Variants in TMPRSS15 observed in about 807,000 individuals in gnomAD.
The protein encoded by TMPRSS15 is enteropeptidase.
A neutral mutation model predicts 125.3 loss-of-function variants in TMPRSS15; 128 were observed. The observed-to-expected ratio is 1.02, with a 90% CI of 0.89 to 1.18. TMPRSS15 has a LOEUF of 1.18. Ranked by LOEUF, TMPRSS15 falls within the 50% of genes most tolerant of loss-of-function variation. TMPRSS15 has a pLI of 0.00. For synonymous variants in TMPRSS15, 446 were observed against 423.2 expected (o/e 1.05, Z -0.66); for missense variants, 1,283 against 1,212.7 (o/e 1.06, Z -0.86).
chr21:18,406,242 C>T (rs183996285), upstream of TMPRSS15, among the ~76,000 whole-genome samples: 491 of 152,178 alleles, frequency 3.2e-3, 1 homozygote, highest in Non-Finnish European at 5.6e-3. Context: ...TCAGAGCTAT[C>T]CCACTTAGGG....
intron 1 of TMPRSS15, chr21:18,460,694 T>C (rs1177381341): frequency 6.6e-6 from 1 of 152,218 alleles, no homozygotes. Context: ...CTCTCACTCA[T>C]GTGAGATCTA....
chr21:18,325,103 T>TACATATCTATTG (rs1406706329), intron 16 of TMPRSS15, among the ~76,000 whole-genome samples: 2 of 152,138 alleles, frequency 1.3e-5, no homozygotes, highest in African/African-American at 4.8e-5. Context: ...CTTATGTAAA[T>TACATATCTATTG]ACATATCTAT....
At chr21:18,294,170 CCCT>C in intron 21 of TMPRSS15, 97 bp downstream of exon 21, 1 of 1,388,650 alleles carries the variant, frequency 7.2e-7, no homozygotes, top group South Asian at 1.2e-5. Context: ...AGCAGGATTT[CCCT>C]GGTGGGATGG....
chr21:18,376,316 T>G (rs1175119221), intron 5 of TMPRSS15, among the ~76,000 whole-genome samples: 1 of 152,104 alleles, frequency 6.6e-6, no homozygotes, highest in Non-Finnish European at 1.5e-5. Flanking sequence ...ACGTCTTAAA[T>G]TAGAGGAGAG....
At chr21:18,434,953 T>G (rs2123218916) in intron 1 of TMPRSS15, among the ~76,000 whole-genome samples, 1 of 152,290 alleles carries the variant, frequency 6.6e-6, no homozygotes, top group Non-Finnish European at 1.5e-5. Context: ...TATTATCTTT[T>G]CTAAATTTTT....
intron 5 of TMPRSS15, among the ~76,000 whole-genome samples, chr21:18,377,940 A>T (rs897366925): frequency 1.3e-5 from 2 of 152,154 alleles, no homozygotes; most frequent in Non-Finnish European, 2.9e-5. Flanking sequence ...TAAAGGAGAA[A>T]ACCTTCTTTT....
rs1053184237 is a variant in TMPRSS15 at position 18,279,535 on chromosome 21, T to C, written c.2669-476A>G. Among the ~76,000 whole-genome samples the C allele has an allele frequency of 4.0e-5, 6 of 150,798 alleles. No individual in the cohort carries two copies. The Admixed American group carries it at 4.0e-4, about 10-fold the overall frequency. ...TTTTTTAGTAGAGATGGCGTTTCAC[T>C]GTGTTAGCCAGGATGGTCTCGATTT... On this transcript the variant is annotated intron_variant, in intron 22 of 24. Coordinates refer to ENST00000284885, the MANE Select transcript of TMPRSS15 (RefSeq NM_002772.3).
intron 1 of TMPRSS15, among the ~76,000 whole-genome samples, chr21:18,472,649 G>A (rs1485099210): frequency 6.6e-6 from 1 of 151,864 alleles, no homozygotes; most frequent in East Asian, 1.9e-4. Flanking sequence ...AGCAAAAAAT[G>A]AGGCTATGAC....
At chr21:18,347,529 C>T (rs1029425549) in intron 10 of TMPRSS15, among the ~76,000 whole-genome samples, 2 of 152,048 alleles carry the variant, frequency 1.3e-5, no homozygotes, top group Non-Finnish European at 2.9e-5. Flanking sequence ...TGCACCTGGC[C>T]TGTTGTATAT....
chr21:18,393,644 G>T (rs143918193), intron 3 of TMPRSS15, among the ~76,000 whole-genome samples: 3 of 152,052 alleles, frequency 2.0e-5, no homozygotes, highest in Non-Finnish European at 4.4e-5. Context: ...GCCTAATAAC[G>T]TTAGTAAAAA....
At chr21:18,473,944 T>G (rs1012782496) in intron 1 of TMPRSS15, among the ~76,000 whole-genome samples, 7 of 152,146 alleles carry the variant, frequency 4.6e-5, no homozygotes, top group Admixed American at 1.3e-4. Context: ...ATCAAGGGTT[T>G]GTCCTGTCTT....
chr21:18,390,066 T>A (rs1373255365), intron 3 of TMPRSS15, among the ~76,000 whole-genome samples: 1 of 152,214 alleles, frequency 6.6e-6, no homozygotes, highest in Non-Finnish European at 1.5e-5. Flanking sequence ...ATCCTCAACA[T>A]GCTACGTTAT....
intron 18 of TMPRSS15, 113 bp downstream of exon 18, chr21:18,312,832 T>C (rs1310606227): frequency 5.2e-6 from 7 of 1,358,592 alleles, no homozygotes; most frequent in African/African-American, 2.9e-5. Flanking sequence ...TTTGCTAATG[T>C]GTATTTTCTA....
At chr21:18,395,557 A>G (rs1402285751) in intron 3 of TMPRSS15, among the ~76,000 whole-genome samples, 6 of 152,200 alleles carry the variant, frequency 3.9e-5, no homozygotes. Flanking sequence ...ATGAATTGGT[A>G]CACCAGGAAC....
intron 12 of TMPRSS15, among the ~76,000 whole-genome samples, chr21:18,342,601 C>A: frequency 1.3e-5 from 2 of 152,214 alleles, no homozygotes; most frequent in East Asian, 3.9e-4. Flanking sequence ...ACTGACTTCC[C>A]CTTCTGCTGT....
chr21:18,413,344 CTTCCTTCCTTCCTTCCT>C (rs1251309550), intron 1 of TMPRSS15, among the ~76,000 whole-genome samples: 1 of 130,454 alleles, frequency 7.7e-6, no homozygotes, highest in African/African-American at 3.0e-5. Flanking sequence ...TCCTTCCTTC[CTTCCTTCCTTCCTTCCT>C]TTCCTTCCTT....
At chr21:18,392,112 TGAA>T (rs2075995924) in intron 3 of TMPRSS15, among the ~76,000 whole-genome samples, 1 of 152,198 alleles carries the variant, frequency 6.6e-6, no homozygotes, top group South Asian at 2.1e-4. Context: ...GGTCCTGCTA[TGAA>T]GAACTCTGAC....
chr21:18,379,334 T>C lies in TMPRSS15; in HGVS notation c.497-16A>G, dbSNP rs560434009. The C allele has an allele frequency of 2.4e-6, 3 of 1,244,390 alleles. No homozygotes were observed. The highest frequency in any genetic ancestry group is 4.6e-5 in the South Asian group (2 of 43,406). The allele number at this position is 1,244,390 out of a possible 1,614,324, so 77.1% of individuals were successfully genotyped here. Reference sequence around the variant, plus strand: ...GTTAGCTTGTCTGAAAAATAAATTATATTAAAATAATTATTACCTATTTTA... The same window carrying C: ...GTTAGCTTGTCTGAAAAATAAATTACATTAAAATAATTATTACCTATTTTA... On this transcript the variant is annotated splice_polypyrimidine_tract_variant and intron_variant, in intron 4 of 24. Transcript: ENST00000284885.
At chr21:18,430,158 T>G (rs867841503) in intron 1 of TMPRSS15, among the ~76,000 whole-genome samples, 24 of 152,278 alleles carry the variant, frequency 1.6e-4, no homozygotes, top group South Asian at 2.1e-4. Flanking sequence ...AAAATTAAAA[T>G]TTGGGGTCAC....
Sources: gnomAD v4.1 joint callset for allele counts (sites outside exome capture counted in the v4.1 genomes callset) on GRCh38, gnomAD v4.1.1 for gene constraint, MANE v1.5 for transcripts, NCBI Gene and HGNC (gene_info 2026-07-23, HGNC 2026-07-21) for gene names.